The following INSR variants were observed in gnomAD, a reference collection of about 807,000 sequenced individuals.
INSR encodes the protein insulin receptor.
A neutral mutation model predicts 142.6 loss-of-function variants in INSR; 67 were observed. The observed-to-expected ratio is 0.47, with a 90% CI of 0.39 to 0.58. The LOEUF (loss-of-function observed/expected upper bound fraction) is 0.58. Ranked by LOEUF, INSR falls within the 20% of genes least tolerant of loss-of-function variation. INSR has a pLI of 0.00. For synonymous variants in INSR, 756 were observed against 743.1 expected, an observed-to-expected ratio of 1.02 and a Z score of -0.28; for missense variants, 1,248 against 1,833.2, an observed-to-expected ratio of 0.68 and a Z score of 5.83.
intron 3 of INSR, among the ~76,000 whole-genome samples, chr19:7,181,508 C>T (rs1974273496): frequency 6.6e-6 from 1 of 151,800 alleles, no homozygotes; most frequent in Non-Finnish European, 1.5e-5. Context: ...GGAAGCAGCA[C>T]TGTGCTATTA....
chr19:7,255,405 G>A (rs1464507205), intron 2 of INSR, among the ~76,000 whole-genome samples: 4 of 151,884 alleles, frequency 2.6e-5, no homozygotes, highest in Non-Finnish European at 5.9e-5. Context: ...CTCCCTTCCC[G>A]GCATGAGGCA....
At chr19:7,240,054 G>A (rs532525119) in intron 2 of INSR, among the ~76,000 whole-genome samples, 1 of 152,244 alleles carries the variant, frequency 6.6e-6, no homozygotes, top group Admixed American at 6.5e-5. Context: ...ATCCATTACA[G>A]CAGGACCAGC....
intron 2 of INSR, among the ~76,000 whole-genome samples, chr19:7,259,635 A>G (rs1555688541): frequency 6.6e-6 from 1 of 152,146 alleles, no homozygotes; most frequent in Non-Finnish European, 1.5e-5. Context: ...CCTAGGCAAC[A>G]TGGCGAAACC....
chr19:7,223,736 T>A (rs1215460315), intron 2 of INSR, among the ~76,000 whole-genome samples: 1 of 152,116 alleles, frequency 6.6e-6, no homozygotes, highest in East Asian at 1.9e-4. Context: ...AGACTGTGGG[T>A]TCAAATCCTA....
chr19:7,293,818 G>T lies in INSR; in HGVS notation c.74C>A (p.Ala25Asp). The part of the protein sequence containing the change: ...LVAVAALLLG[A>D]AGHLYPGEVC... ...CTCTCCGGGGTACAGGTGGCCCGCG[G>T]CGCCCAGTAGCAGCGCGGCCACCGC... Residue 25 changes from alanine to aspartate, a missense_variant, in exon 1 of 22, where the codon GCC becomes GAC. Transcript: ENST00000302850. The T allele has an allele frequency of 7.4e-7, 1 of 1,349,446 alleles. No individual in the cohort carries two copies. The highest frequency in any genetic ancestry group is 1.9e-5 in the South Asian group (1 of 53,038). The allele number at this position is 1,349,446 out of a possible 1,614,324, so 83.6% of individuals were successfully genotyped here.
At chr19:7,151,340 A>G (rs113198155) in intron 10 of INSR, among the ~76,000 whole-genome samples, 11,083 of 150,008 alleles carry the variant, frequency 0.074, 583 homozygotes, top group African/African-American at 0.14. Flanking sequence ...CAATGGTGCC[A>G]TCATAGCTCA....
intron 2 of INSR, among the ~76,000 whole-genome samples, chr19:7,262,793 T>G (rs1487848520): frequency 6.6e-6 from 1 of 152,154 alleles, no homozygotes; most frequent in African/African-American, 2.4e-5. Context: ...GTCCCTACAG[T>G]CATCACATTC....
rs1287700925 is a variant in INSR at position 7,114,744 on chromosome 19, T to A, written c.*2312A>T. The A allele has an allele frequency of 6.6e-6, 1 of 152,612 alleles. No individual in the cohort carries two copies. Among genetic ancestry groups the A allele is most frequent in the Non-Finnish European group, 1.5e-5 (1 of 68,032 alleles). 9.5% of individuals were successfully genotyped at this position (152,612 alleles called of 1,614,324 possible). On this transcript the variant is annotated 3_prime_UTR_variant, in exon 22 of 22. Transcript: ENST00000302850. ...ATAAAAATTTACATGCGCTCCATTT[T>A]TTATGAGAGTGATTTTCAGAGTGAT...
Position 7,128,724 on chromosome 19 carries a change from T to C in INSR, c.2945+128A>G, listed in dbSNP as rs922760265. ...TCATATTATGACAATTATCTGTAAA[T>C]TGCATGTTACACATCCTATATCAGC... On this transcript the variant is annotated intron_variant, in intron 15 of 21. Transcript: ENST00000302850. The C allele has an allele frequency of 2.0e-5, 14 of 686,016 alleles. No individual in the cohort carries two copies. In the African/African-American group the frequency reaches 2.5e-4, roughly 12 times the overall value. The allele number at this position is 686,016 out of a possible 1,614,324, so 42.5% of individuals were successfully genotyped here.
intron 2 of INSR, among the ~76,000 whole-genome samples, chr19:7,252,043 G>A (rs1976744507): frequency 6.6e-6 from 1 of 152,120 alleles, no homozygotes; most frequent in Admixed American, 6.6e-5. Context: ...GGTGGCTGAG[G>A]TGGGTGGATC....
At chr19:7,151,954 G>T (rs1038312464) in intron 10 of INSR, 9 of 150,980 alleles carry the variant, frequency 6.0e-5, no homozygotes, top group African/African-American at 2.2e-4. Flanking sequence ...TACCATGCCT[G>T]ACTAATTTTT....
At chr19:7,179,127 G>C (rs1287700242) in intron 3 of INSR, among the ~76,000 whole-genome samples, 1 of 152,144 alleles carries the variant, frequency 6.6e-6, no homozygotes, top group Admixed American at 6.6e-5. Context: ...GTCCAGGCTG[G>C]TCTCGAACCT....
At chr19:7,137,894 G>A (rs1972974955) in intron 13 of INSR, among the ~76,000 whole-genome samples, 1 of 150,694 alleles carries the variant, frequency 6.6e-6, no homozygotes, top group South Asian at 2.1e-4. Flanking sequence ...AACTCTGGGA[G>A]CTAAGAAGCT....
rs1972230788 is a variant in INSR at position 7,112,480 on chromosome 19, A to G, written c.*4576T>C. The G allele has an allele frequency of 1.3e-5, 2 of 152,196 alleles. No individual in the cohort carries two copies. The highest frequency in any genetic ancestry group is 2.9e-5 in the Non-Finnish European group (2 of 68,036). 9.4% of individuals were successfully genotyped at this position (152,196 alleles called of 1,614,324 possible). A position where few individuals can be genotyped will look rare whatever the true frequency, so the allele number is the denominator to read the frequency against. On this transcript the variant is annotated 3_prime_UTR_variant, in exon 22 of 22. Transcript: ENST00000302850. The stretch of plus-strand genomic sequence containing the variant: ...CAGCACATTTGATCCTGCGTTGCCA[A>G]CGCACAGGGCCGAGGCCACCCAGGC...
At chr19:7,174,552 G>C (rs1432926936) in intron 4 of INSR, 31 bp downstream of exon 4, 3 of 1,612,472 alleles carry the variant, frequency 1.9e-6, no homozygotes, top group East Asian at 4.5e-5. Context: ...AGCCCAACAG[G>C]CACCCCCGAC....
chr19:7,231,282 G>A lies in INSR; in HGVS notation c.652+36063C>T, dbSNP rs146805957. ...AAACGCTTTGTGTTGTCTTGTTTTT[G>A]GTGGTGTTTTTTGTTTTTTTTTTTT... On this transcript the variant is annotated intron_variant, in intron 2 of 21. Transcript: ENST00000302850. 6.1e-3 allele frequency among the ~76,000 whole-genome samples: 848 copies of A among 140,122 alleles called. 4 individuals are homozygous for A. The highest frequency in any genetic ancestry group is 0.022 in the African/African-American group (807 of 37,298). The allele number at this position is 140,122 out of a possible 152,430, so 91.9% of individuals were successfully genotyped here.
chr19:7,163,284 T>G (rs764935801), intron 8 of INSR, 85 bp from the exon 9 acceptor site: 45 of 1,352,206 alleles, frequency 3.3e-5, no homozygotes, highest in Non-Finnish European at 4.6e-5. Context: ...ACACACAAGT[T>G]AAAGACATCA....
chr19:7,140,975 C>T (rs1568440380), intron 13 of INSR, among the ~76,000 whole-genome samples: 1 of 152,214 alleles, frequency 6.6e-6, no homozygotes, highest in Non-Finnish European at 1.5e-5. Flanking sequence ...TGCATCTCTG[C>T]ACTCACCCAG....
chr19:7,128,289 T>G lies in INSR; in HGVS notation c.2945+563A>C, dbSNP rs1284175647. Among the ~76,000 whole-genome samples, 3 of 151,922 alleles carry G rather than the reference T, an allele frequency of 2.0e-5. No individual in the cohort carries two copies. In the East Asian group the frequency reaches 5.8e-4, roughly 30 times the overall value. On this transcript the variant is annotated intron_variant, in intron 15 of 21. Coordinates refer to ENST00000302850, the MANE Select transcript of INSR (RefSeq NM_000208.4). ...ATGCAATGGTGCGATTTCAGCTCAC[T>G]GCAACCTCCGCCACCAGGGTTCAGT...
Sources: gnomAD v4.1 joint callset for allele counts (sites outside exome capture counted in the v4.1 genomes callset) on GRCh38, gnomAD v4.1.1 for gene constraint, MANE v1.5 for transcripts, NCBI Gene and HGNC (gene_info 2026-07-23, HGNC 2026-07-21) for gene names.